Variants in GABRB1 observed in about 807,000 individuals in gnomAD.
The protein encoded by GABRB1 is gamma-aminobutyric acid receptor subunit beta-1.
Under a neutral mutation model 51.6 loss-of-function variants are expected in GABRB1, and 17 were observed. The ratio of observed to expected loss-of-function variants is 0.33; its 90% CI spans 0.23 to 0.49. The LOEUF (loss-of-function observed/expected upper bound fraction) is 0.49, where lower values mean the gene tolerates loss of function less well. Among genes scored for constraint, GABRB1 ranks in the 20% least tolerant of loss-of-function variants. The probability of loss-of-function intolerance (pLI) is 0.99; values close to 1 mark genes in which losing one functional copy is unlikely to be tolerated. For missense variants in GABRB1, 410 were observed against 600.6 expected, an observed-to-expected ratio of 0.68 and a Z score of 3.32; for synonymous variants, 247 against 218.9, an observed-to-expected ratio of 1.13 and a Z score of -1.14.
chr4:47,403,096 A>C (rs1236358241), intron 5 of GABRB1, among the ~76,000 whole-genome samples: 1 of 152,194 alleles, frequency 6.6e-6, no homozygotes, highest in Non-Finnish European at 1.5e-5. Flanking sequence ...TCACTAAACG[A>C]TCCAGAGCTT....
At chr4:47,134,487 A>G (rs1023506572) in intron 3 of GABRB1, among the ~76,000 whole-genome samples, 3 of 152,180 alleles carry the variant, frequency 2.0e-5, no homozygotes, top group Non-Finnish European at 4.4e-5. Context: ...TCAAATATTA[A>G]TGAGAGGAAA....
rs71195629 is a variant in GABRB1 at position 47,400,921 on chromosome 4, C to CTTTTTTT, written c.545-2378_545-2372dup. Among the ~76,000 whole-genome samples, 32 of 98,560 alleles carry CTTTTTTT rather than the reference C, an allele frequency of 3.2e-4. 1 individual carries two copies. The highest frequency in any genetic ancestry group is 1.1e-3 in the African/African-American group (26 of 24,446). The allele number at this position is 98,560 out of a possible 152,430, so 64.7% of individuals were successfully genotyped here. A position where few individuals can be genotyped will look rare whatever the true frequency, so the allele number is the denominator to read the frequency against. On this transcript the variant is annotated intron_variant, in intron 5 of 8. Transcript: ENST00000295454. ...CATTATTTTGTTCTTTTGTTCTTCTCTTTTTTTTTTTTTTTTTTTTTTTTT... is the reference window on the plus strand; with the variant it reads ...CATTATTTTGTTCTTTTGTTCTTCTCTTTTTTTTTTTTTTTTTTTTTTTTTTTTTTTT...
intron 4 of GABRB1, among the ~76,000 whole-genome samples, chr4:47,300,452 A>C (rs1349220677): frequency 6.6e-6 from 1 of 152,110 alleles, no homozygotes; most frequent in Non-Finnish European, 1.5e-5. Context: ...GTTTATTTAA[A>C]CACAAATTTA....
upstream of GABRB1, among the ~76,000 whole-genome samples, chr4:47,028,233 A>T (rs968683762): frequency 1.3e-5 from 2 of 151,628 alleles, no homozygotes; most frequent in Non-Finnish European, 3.0e-5. Flanking sequence ...GGGGTACATG[A>T]GATGTTTTGA....
At chr4:47,342,252 A>G (rs1725926459) in intron 5 of GABRB1, among the ~76,000 whole-genome samples, 1 of 152,164 alleles carries the variant, frequency 6.6e-6, no homozygotes. Context: ...GAAACTTAAA[A>G]CTACTTAAAA....
intron 4 of GABRB1, among the ~76,000 whole-genome samples, chr4:47,215,052 A>G (rs1203366425): frequency 6.6e-6 from 1 of 152,108 alleles, no homozygotes; most frequent in African/African-American, 2.4e-5. Context: ...CGGTATGGCC[A>G]TGGGATATGT....
intron 3 of GABRB1, among the ~76,000 whole-genome samples, chr4:47,116,786 G>T (rs1313093205): frequency 6.6e-6 from 1 of 152,232 alleles, no homozygotes; most frequent in African/African-American, 2.4e-5. Context: ...AAGAAAAGAG[G>T]TTTAATTGAC....
At position 47,275,065 on chromosome 4, in the gene GABRB1, T is replaced by A. The variant is rs558226484; in HGVS notation, c.462-45062T>A. Reference sequence around the variant, plus strand: ...CTTTTTTCTCTGGATTTTGGCAACTTCCAATTAAGCCAATGGGTAGTTCCC... The same window carrying A: ...CTTTTTTCTCTGGATTTTGGCAACTACCAATTAAGCCAATGGGTAGTTCCC... On this transcript the variant is annotated intron_variant, in intron 4 of 8. Coordinates refer to ENST00000295454, the MANE Select transcript of GABRB1 (RefSeq NM_000812.4). Among the ~76,000 whole-genome samples, 14 of 152,292 alleles carry A rather than the reference T, an allele frequency of 9.2e-5. 1 individual carries two copies. In the South Asian group the frequency reaches 2.5e-3, roughly 27 times the overall value.
intron 5 of GABRB1, among the ~76,000 whole-genome samples, chr4:47,368,626 A>G (rs1310113923): frequency 1.3e-5 from 2 of 152,188 alleles, no homozygotes; most frequent in Non-Finnish European, 2.9e-5. Context: ...CCAAGCTCCC[A>G]GCACCGTGGA....
At chr4:47,400,546 C>CTCTCTCTCTT (rs10684391) in intron 5 of GABRB1, among the ~76,000 whole-genome samples, 21,949 of 150,756 alleles carry the variant, frequency 0.15, 1,684 homozygotes, top group Non-Finnish European at 0.17. Context: ...CTCTCTCTCT[C>CTCTCTCTCTT]TCTCTCTCAG....
chr4:47,386,819 A>G (rs1727810111), intron 5 of GABRB1, among the ~76,000 whole-genome samples: 1 of 152,222 alleles, frequency 6.6e-6, no homozygotes, highest in Admixed American at 6.5e-5. Context: ...TAAAAGGAGA[A>G]TCAGTAATCT....
At position 47,350,280 on chromosome 4, in the gene GABRB1, T is replaced by G. The variant is rs530437921; in HGVS notation, c.544+30071T>G. 1.4e-3 allele frequency among the ~76,000 whole-genome samples: 208 copies of G among 143,620 alleles called. 1 individual carries two copies. Among genetic ancestry groups the G allele is most frequent in the East Asian group, 9.0e-3 (45 of 5,000 alleles). The allele number at this position is 143,620 out of a possible 152,430, so 94.2% of individuals were successfully genotyped here. ...ATTCATTAATGTGTGTATATATATATATATATAGAGAGAGAGAGAGAGCTG... is the reference window on the plus strand; with the variant it reads ...ATTCATTAATGTGTGTATATATATAGATATATAGAGAGAGAGAGAGAGCTG... On this transcript the variant is annotated intron_variant, in intron 5 of 8. Coordinates refer to ENST00000295454, the MANE Select transcript of GABRB1 (RefSeq NM_000812.4).
chr4:47,403,050 A>T (rs1728450795), intron 5 of GABRB1, among the ~76,000 whole-genome samples: 1 of 152,352 alleles, frequency 6.6e-6, no homozygotes, highest in South Asian at 2.1e-4. Flanking sequence ...ATTAGTAGAT[A>T]CAATAAGAAT....
intron 3 of GABRB1, among the ~76,000 whole-genome samples, chr4:47,048,840 T>G (rs138831294): frequency 6.6e-6 from 1 of 152,222 alleles, no homozygotes; most frequent in African/African-American, 2.4e-5. Flanking sequence ...TTCTTTCCCT[T>G]TAGAGTTTCC....
chr4:47,298,085 G>C (rs996064901), intron 4 of GABRB1, among the ~76,000 whole-genome samples: 1 of 152,038 alleles, frequency 6.6e-6, no homozygotes, highest in African/African-American at 2.4e-5. Flanking sequence ...TTGATGGGAC[G>C]TATCTCAAAA....
chr4:47,116,678 A>G (rs1715493951), intron 3 of GABRB1, among the ~76,000 whole-genome samples: 1 of 152,154 alleles, frequency 6.6e-6, no homozygotes, highest in African/African-American at 2.4e-5. Context: ...CTGTATTATT[A>G]TTGTTGTAAT....
chr4:46,993,711 G>T, upstream of GABRB1: 2 of 341,668 alleles, frequency 5.9e-6, no homozygotes, highest in Non-Finnish European at 1.1e-5. Flanking sequence ...GAAGGTTCTG[G>T]GGTTCGTATC....
intron 4 of GABRB1, among the ~76,000 whole-genome samples, chr4:47,181,991 C>T (rs1718968939): frequency 6.6e-6 from 1 of 151,970 alleles, no homozygotes; most frequent in African/African-American, 2.4e-5. Context: ...TAGTCTTTTC[C>T]TGCAGTATGG....
In GABRB1 at chr4:47,397,733, A is replaced by AT. The variant is rs553046990; in HGVS notation, c.545-5574dup. Among the ~76,000 whole-genome samples, 1,239 of 146,476 alleles carry AT rather than the reference A, an allele frequency of 8.5e-3. 10 individuals are homozygous for AT. The highest frequency in any genetic ancestry group is 0.015 in the African/African-American group (589 of 40,036). The stretch of plus-strand genomic sequence containing the variant: ...AGGTGCCTGCCACCATGCTCAGCTA[A>AT]TTTTTTTTTTTGTATTTTTAGTAGA... On this transcript the variant is annotated intron_variant, in intron 5 of 8. Coordinates refer to ENST00000295454, the MANE Select transcript of GABRB1 (RefSeq NM_000812.4).
Sources: gnomAD v4.1 joint callset for allele counts (sites outside exome capture counted in the v4.1 genomes callset) on GRCh38, gnomAD v4.1.1 for gene constraint, MANE v1.5 for transcripts, NCBI Gene and HGNC (gene_info 2026-07-23, HGNC 2026-07-21) for gene names.